The following NPRL3 variants were observed in gnomAD, a reference collection of about 807,000 sequenced individuals.
NPRL3 encodes NPR3 like, GATOR1 complex subunit, also known as GATOR1 complex protein NPRL3.
NPRL3 carries 23 observed loss-of-function variants against 57.2 expected under a neutral mutation model. The ratio of observed to expected loss-of-function variants is 0.40; its 90% CI spans 0.29 to 0.57. The LOEUF (loss-of-function observed/expected upper bound fraction) is 0.57. NPRL3 is among the 20% of genes least tolerant of loss of function. NPRL3 has a pLI of 0.42. For synonymous variants in NPRL3, 333 were observed against 321.1 expected (o/e 1.04, Z -0.39); for missense variants, 691 against 767.1 (o/e 0.90, Z 1.17).
At chr16:122,232 G>A (rs1316848525) in intron 3 of NPRL3, among the ~76,000 whole-genome samples, 13 of 152,060 alleles carry the variant, frequency 8.5e-5, no homozygotes, top group Admixed American at 5.2e-4. Flanking sequence ...AAATATCTGG[G>A]ATTACAGGCG....
At chr16:95,504 T>C (rs745586200) in intron 9 of NPRL3, among the ~76,000 whole-genome samples, 1 of 152,094 alleles carries the variant, frequency 6.6e-6, no homozygotes, top group Non-Finnish European at 1.5e-5. Flanking sequence ...TGTAACATAC[T>C]AATTTTATCA....
intron 13 of NPRL3, among the ~76,000 whole-genome samples, chr16:88,387 C>CA (rs56670370): frequency 7.1e-4 from 93 of 130,908 alleles, no homozygotes; most frequent in East Asian, 4.5e-3. Context: ...GACTCCGTCT[C>CA]AAAAAAAAAA....
chr16:118,637 C>T (rs1900147118), intron 4 of NPRL3, among the ~76,000 whole-genome samples: 1 of 152,190 alleles, frequency 6.6e-6, no homozygotes, highest in African/African-American at 2.4e-5. Flanking sequence ...GGGGCAAGAA[C>T]ACCTGTCTCT....
chr16:124,848 G>A (rs533595484), intron 3 of NPRL3: 19 of 152,356 alleles, frequency 1.2e-4, no homozygotes, highest in African/African-American at 4.6e-4. Context: ...AGGCCGAGGT[G>A]GGTGGATCGC....
chr16:101,074 G>A (rs1343458782), intron 7 of NPRL3, among the ~76,000 whole-genome samples: 8 of 151,584 alleles, frequency 5.3e-5, no homozygotes, highest in Admixed American at 3.3e-4. Flanking sequence ...CAGGGCTTGA[G>A]AGAAGCCGTA....
chr16:115,490 C>CTTT (rs11441743), intron 5 of NPRL3, among the ~76,000 whole-genome samples: 5 of 145,010 alleles, frequency 3.4e-5, no homozygotes, highest in African/African-American at 5.1e-5. Flanking sequence ...TTTCCTGTTG[C>CTTT]TTTTTTTTTT....
chr16:118,944 A>C (rs1447998576), intron 4 of NPRL3, among the ~76,000 whole-genome samples, 182 bp downstream of exon 4: 1 of 148,202 alleles, frequency 6.7e-6, no homozygotes, highest in Non-Finnish European at 1.5e-5. Flanking sequence ...GGGAAGCCAC[A>C]TCTGCCCAGG....
At chr16:112,354 C>T (rs1899853864) in intron 6 of NPRL3, among the ~76,000 whole-genome samples, 1 of 152,230 alleles carries the variant, frequency 6.6e-6, no homozygotes, top group Admixed American at 6.5e-5. Context: ...CATGTAACTT[C>T]TCTGAGCCTT....
At chr16:108,230 C>A (rs1899618034) in intron 7 of NPRL3, among the ~76,000 whole-genome samples, 1 of 152,142 alleles carries the variant, frequency 6.6e-6, no homozygotes, top group Admixed American at 6.5e-5. Flanking sequence ...GAAGAATGAA[C>A]AAGGGATCTG....
chr16:114,562 G>C (rs922587200), intron 5 of NPRL3, among the ~76,000 whole-genome samples: 1 of 152,160 alleles, frequency 6.6e-6, no homozygotes, highest in Non-Finnish European at 1.5e-5. Context: ...TGGAACATTT[G>C]ATGGAACAAA....
intron 2 of NPRL3, among the ~76,000 whole-genome samples, chr16:134,353 T>C (rs955193574): frequency 6.6e-6 from 1 of 151,804 alleles, no homozygotes; most frequent in African/African-American, 2.4e-5. Flanking sequence ...AATAATACTT[T>C]CCCGGAGTAA....
intron 3 of NPRL3, among the ~76,000 whole-genome samples, chr16:127,476 C>A (rs190549768): frequency 2.0e-5 from 3 of 152,126 alleles, no homozygotes; most frequent in South Asian, 2.1e-4. Flanking sequence ...CTCAAGTGAT[C>A]CCCCCGCCTT....
At chr16:120,508 A>G (rs1457747191) in intron 3 of NPRL3, among the ~76,000 whole-genome samples, 2 of 152,200 alleles carry the variant, frequency 1.3e-5, no homozygotes, top group East Asian at 1.9e-4. Flanking sequence ...TTCCAAGTCT[A>G]TCATGGGCTG....
At chr16:129,249 G>A (rs1900682174) in intron 3 of NPRL3, among the ~76,000 whole-genome samples, 1 of 152,158 alleles carries the variant, frequency 6.6e-6, no homozygotes, top group Non-Finnish European at 1.5e-5. Flanking sequence ...CCTGCTCTAA[G>A]CTGATCTGTG....
intron 6 of NPRL3, 110 bp from the exon 7 acceptor site, chr16:110,716 T>C: frequency 1.2e-6 from 1 of 831,870 alleles, no homozygotes; most frequent in Non-Finnish European, 1.9e-6. Context: ...TCTGGCTAAT[T>C]TTTTTGTATT....
chr16:130,029 G>A (rs1383576842), intron 3 of NPRL3, among the ~76,000 whole-genome samples: 1 of 152,144 alleles, frequency 6.6e-6, no homozygotes, highest in South Asian at 2.1e-4. Flanking sequence ...CCTTTCATCT[G>A]TGCCTAAAAG....
At chr16:98,325 G>T (rs1389876254) in intron 8 of NPRL3, 24 bp from the exon 9 acceptor site, 2 of 1,611,266 alleles carry the variant, frequency 1.2e-6, no homozygotes, top group Middle Eastern at 1.7e-4. Context: ...ACCTGTCACG[G>T]AACACACGAA....
At chr16:128,952 C>T (rs776582550) in intron 3 of NPRL3, among the ~76,000 whole-genome samples, 1 of 152,110 alleles carries the variant, frequency 6.6e-6, no homozygotes, top group Non-Finnish European at 1.5e-5. Context: ...ATGGGTGGCA[C>T]CAGTGAGATT....
At chr16:112,861 C>T in intron 5 of NPRL3, 86 bp from the exon 6 acceptor site, 1 of 1,293,784 alleles carries the variant, frequency 7.7e-7, no homozygotes, top group Non-Finnish European at 1.0e-6. Flanking sequence ...CACAGGTACA[C>T]AGCAAAAACT....
Sources: gnomAD v4.1 joint callset for allele counts (sites outside exome capture counted in the v4.1 genomes callset) on GRCh38, gnomAD v4.1.1 for gene constraint, MANE v1.5 for transcripts, NCBI Gene and HGNC (gene_info 2026-07-23, HGNC 2026-07-21) for gene names.